KMT2C: variants seen among roughly 807,000 people sequenced by gnomAD.
The protein encoded by KMT2C is lysine methyltransferase 2C, also known as histone-lysine N-methyltransferase 2C.
In KMT2C, 88 loss-of-function variants were observed where a neutral mutation model predicts 507.9. The observed-to-expected ratio is 0.17, with a 90% CI of 0.15 to 0.21. KMT2C has a LOEUF of 0.21. Among genes scored for constraint, KMT2C ranks in the 10% least tolerant of loss-of-function variants. The pLI is 1.00. For synonymous variants in KMT2C, 2,049 were observed against 2,080.8 expected, an observed-to-expected ratio of 0.98 and a Z score of 0.42; for missense variants, 4,954 against 5,957.8, an observed-to-expected ratio of 0.83 and a Z score of 5.55.
rs938250691 is a variant in KMT2C at position 152,135,406 on chromosome 7, T to A, written c.*1426A>T. ...AGCAAACACAAAACAGTGTTTTTTT[T>A]ATTAAAGAAATGTAAACAAACAGTT... On this transcript the variant is annotated 3_prime_UTR_variant, in exon 59 of 59. Transcript: ENST00000262189. 78 of 217,440 alleles carry A rather than the reference T, an allele frequency of 3.6e-4. No homozygotes were observed. The highest frequency in any genetic ancestry group is 8.3e-4 in the African/African-American group (37 of 44,550). The allele number at this position is 217,440 out of a possible 1,614,324, so 13.5% of individuals were successfully genotyped here. A position where few individuals can be genotyped will look rare whatever the true frequency, so the allele number is the denominator to read the frequency against.
At chr7:152,368,103 TA>T in intron 1 of KMT2C, 1 of 932,022 alleles carries the variant, frequency 1.1e-6, no homozygotes, top group African/African-American at 1.6e-5. Context: ...GGTAAGCTAG[TA>T]ATACTATCAT....
At chr7:152,139,599 C>A in intron 56 of KMT2C, 76 bp downstream of exon 56, 1 of 978,252 alleles carries the variant, frequency 1.0e-6, no homozygotes, top group South Asian at 1.3e-5. Flanking sequence ...TTCTGCCTTC[C>A]AGGGTGTCTG....
Position 152,356,580 on chromosome 7 carries a change from A to C in KMT2C, c.250+2007T>G, listed in dbSNP as rs141905306. Among the ~76,000 whole-genome samples, 1,423 of 151,618 alleles carry C rather than the reference A, an allele frequency of 9.4e-3. 27 individuals are homozygous for C. Among genetic ancestry groups the C allele is most frequent in the African/African-American group, 0.033 (1,369 of 41,266 alleles). On this transcript the variant is annotated intron_variant, in intron 2 of 58. Transcript: ENST00000262189. Reference sequence around the variant, plus strand: ...AACAAAGGACGAAACTCTGTCTCAAAAAAACAAAATTAAAAAAAATAATAA... The same window carrying C: ...AACAAAGGACGAAACTCTGTCTCAACAAAACAAAATTAAAAAAAATAATAA...
intron 1 of KMT2C, among the ~76,000 whole-genome samples, chr7:152,395,688 A>G (rs191821864): frequency 0.013 from 2,000 of 152,168 alleles, 19 homozygotes; most frequent in Non-Finnish European, 0.021. Flanking sequence ...TTGTATTTTT[A>G]GTAGAGACAG....
At chr7:152,253,719 C>T (rs2095601461) in intron 9 of KMT2C, among the ~76,000 whole-genome samples, 1 of 151,660 alleles carries the variant, frequency 6.6e-6, no homozygotes, top group South Asian at 2.1e-4. Flanking sequence ...ACGGTCAACG[C>T]CATGTGACTT....
At chr7:152,285,321 A>G (rs1053194273) in intron 6 of KMT2C, among the ~76,000 whole-genome samples, 9 of 152,306 alleles carry the variant, frequency 5.9e-5, no homozygotes, top group African/African-American at 2.2e-4. Flanking sequence ...GGAGGTAGGC[A>G]GTAACTTCAA....
intron 26 of KMT2C, among the ~76,000 whole-genome samples, chr7:152,199,957 C>T (rs1253114258): frequency 6.6e-6 from 1 of 152,100 alleles, no homozygotes; most frequent in Non-Finnish European, 1.5e-5. Flanking sequence ...CTACTAAAGG[C>T]TTGTGGTTTT....
intron 1 of KMT2C, among the ~76,000 whole-genome samples, chr7:152,433,795 CTGCACTAAT>C (rs1265108012): frequency 6.6e-6 from 1 of 152,278 alleles, no homozygotes; most frequent in African/African-American, 2.4e-5. Flanking sequence ...CACTCAGGAG[CTGCACTAAT>C]ACAAATGAGC....
At chr7:152,185,971 T>C (rs1248982001) in intron 33 of KMT2C, among the ~76,000 whole-genome samples, 5 of 152,214 alleles carry the variant, frequency 3.3e-5, no homozygotes, top group African/African-American at 1.2e-4. Context: ...TTGTAAAACA[T>C]CTGTGCTAAA....
chr7:152,393,854 G>C (rs2097519981), intron 1 of KMT2C, among the ~76,000 whole-genome samples: 1 of 137,244 alleles, frequency 7.3e-6, no homozygotes, highest in African/African-American at 2.8e-5. Flanking sequence ...CCGAGATCGT[G>C]CCATTGCACT....
intron 33 of KMT2C, 62 bp downstream of exon 33, chr7:152,187,200 A>C (rs2093654142): frequency 7.2e-6 from 10 of 1,385,326 alleles, no homozygotes; most frequent in Non-Finnish European, 1.0e-5. Flanking sequence ...CAGTTAAAAA[A>C]AAAAAAGGTA....
At chr7:152,155,045 T>C (rs2091943077) in intron 46 of KMT2C, 1 of 152,272 alleles carries the variant, frequency 6.6e-6, no homozygotes, top group Admixed American at 6.5e-5. Context: ...TGGTCCCTTC[T>C]GTTGAGTTCA....
In KMT2C at chr7:152,177,649, G is replaced by A. The variant is rs1030206013; in HGVS notation, c.7804C>T (p.Pro2602Ser). The stretch of plus-strand genomic sequence containing the variant: ...CGTCGCATGGGGTCTGTGTGTCTAG[G>A]GCCCGGAAAGTCTGGCCGGGGAATG... ...NFIPRPDFPG[P>S]RHTDPMRRPP... is the part of the protein sequence containing the mutation. The change falls in exon 38 of 59, where the codon CCT becomes TCT. Residue 2602 changes from proline to serine, a missense_variant. Around this residue, in one of 29 missense-constraint regions of KMT2C, gnomAD observed 1,689 missense variants for 1,654.3 expected, o/e 1.02. Transcript: ENST00000262189. 1.6e-5 allele frequency: 26 copies of A among 1,614,100 alleles called. No individual in the cohort carries two copies. The highest frequency in any genetic ancestry group is 2.2e-5 in the Non-Finnish European group (26 of 1,180,018).
chr7:152,275,828 G>C (rs1464279704), intron 6 of KMT2C, among the ~76,000 whole-genome samples: 2 of 152,120 alleles, frequency 1.3e-5, no homozygotes, highest in African/African-American at 4.8e-5. Context: ...ACTAATTTCT[G>C]CTAAATTGTT....
intron 6 of KMT2C, among the ~76,000 whole-genome samples, chr7:152,301,063 A>T (rs1459070820): frequency 6.6e-6 from 1 of 151,560 alleles, no homozygotes; most frequent in East Asian, 2.0e-4. Context: ...TCTCAAAAAA[A>T]AGAAAAAAAC....
chr7:152,346,776 G>A (rs2097061537), intron 2 of KMT2C, among the ~76,000 whole-genome samples: 1 of 152,156 alleles, frequency 6.6e-6, no homozygotes, highest in Non-Finnish European at 1.5e-5. Context: ...ATATTTCTGT[G>A]TTGTATTATA....
At chr7:152,172,523 C>T (rs776333624) in intron 39 of KMT2C, among the ~76,000 whole-genome samples, 36 of 152,138 alleles carry the variant, frequency 2.4e-4, no homozygotes, top group Non-Finnish European at 4.6e-4. Flanking sequence ...TGGTGAAACC[C>T]TGTCTCTACC....
In KMT2C at chr7:152,148,458, T is replaced by G; in HGVS notation, c.13469A>C (p.Lys4490Thr). The G allele has an allele frequency of 6.2e-7, 1 of 1,614,256 alleles. No individual in the cohort carries two copies. Among genetic ancestry groups the G allele is most frequent in the Non-Finnish European group, 8.5e-7 (1 of 1,180,042 alleles). Residue 4490 changes from lysine (K) to threonine (T), a missense_variant, in exon 52 of 59, where the codon AAA becomes ACA. Around this residue, in one of 29 missense-constraint regions of KMT2C, gnomAD observed 221 missense variants for 304.7 expected, o/e 0.73. Transcript: ENST00000262189. This position sits in a 1 kb window ranked among gnomAD's most constrained non-coding sequence, Gnocchi z 7.1. ...GTCCTTAAAAAACATGCATTGTGCTTTAATGGCGCAAGTGAAGTGATAAAT... is the reference window on the plus strand; with the variant it reads ...GTCCTTAAAAAACATGCATTGTGCTGTAATGGCGCAAGTGAAGTGATAAAT... ...TNIYHFTCAI[K>T]AQCMFFKDKT... is the part of the protein sequence containing the mutation.
Position 152,356,300 on chromosome 7 carries a change from C to CCTTTG in KMT2C, c.250+2286_250+2287insCAAAG, listed in dbSNP as rs1484511794. Among the ~76,000 whole-genome samples the CCTTTG allele has an allele frequency of 2.8e-4, 42 of 152,262 alleles. 1 individual carries two copies. The South Asian group carries it at 8.7e-3, about 32-fold the overall frequency. On this transcript the variant is annotated intron_variant, in intron 2 of 58. Transcript: ENST00000262189. Reference sequence around the variant, plus strand: ...CATCTTCAATAATCAAAGGGCCGGGCATAGTGGCTCACGCCTGTAATCCTA... The same window carrying CCTTTG: ...CATCTTCAATAATCAAAGGGCCGGGCCTTTGATAGTGGCTCACGCCTGTAATCCTA...
Sources: gnomAD v4.1 joint callset for allele counts (sites outside exome capture counted in the v4.1 genomes callset) on GRCh38, gnomAD v4.1.1 for gene constraint, gnomAD v4.1.1 regional missense constraint, Gnocchi (gnomAD v3.1) non-coding constraint, MANE v1.5 for transcripts, NCBI Gene and HGNC (gene_info 2026-07-23, HGNC 2026-07-21) for gene names.